FRMD4A: variants seen among roughly 807,000 people sequenced by gnomAD.
FRMD4A encodes FERM domain containing 4A.
FRMD4A carries 29 observed loss-of-function variants against 129.1 expected under a neutral mutation model. The observed-to-expected ratio is 0.22, with a 90% CI of 0.17 to 0.31. FRMD4A has a LOEUF of 0.31. Among genes scored for constraint, FRMD4A ranks in the 10% least tolerant of loss-of-function variants. FRMD4A has a pLI of 1.00. For missense variants in FRMD4A, 1,272 were observed against 1,375.8 expected (o/e 0.92, Z 1.19); for synonymous variants, 634 against 571.6 (o/e 1.11, Z -1.56).
chr10:13,669,487 T>C (rs562101184), intron 17 of FRMD4A, among the ~76,000 whole-genome samples: 4 of 152,314 alleles, frequency 2.6e-5, no homozygotes, highest in South Asian at 2.1e-4. Context: ...CATGGGTCCC[T>C]CTCTGAATTC....
intron 2 of FRMD4A, among the ~76,000 whole-genome samples, chr10:13,927,394 A>G (rs1029667298): frequency 6.6e-6 from 1 of 152,204 alleles, no homozygotes; most frequent in Non-Finnish European, 1.5e-5. Flanking sequence ...CTCTAAACTC[A>G]TGGCTGCCCA....
chr10:14,060,051 T>G (rs1834732955), intron 2 of FRMD4A, among the ~76,000 whole-genome samples: 1 of 152,232 alleles, frequency 6.6e-6, no homozygotes, highest in Admixed American at 6.5e-5. Flanking sequence ...AGTCTATACC[T>G]TTAACTACTC....
At chr10:14,285,922 A>C (rs1845666524) in intron 2 of FRMD4A, among the ~76,000 whole-genome samples, 2 of 152,236 alleles carry the variant, frequency 1.3e-5, no homozygotes, top group Admixed American at 6.5e-5. Context: ...GAGTTGGGAA[A>C]CACTCTTCTG....
Position 13,702,569 on chromosome 10 carries a change from C to T in FRMD4A, c.837-1091G>A, listed in dbSNP as rs1332868350. Among the ~76,000 whole-genome samples the T allele has an allele frequency of 4.8e-5, 7 of 145,586 alleles. No individual in the cohort carries two copies. In the East Asian group the frequency reaches 6.0e-4, roughly 13 times the overall value. On this transcript the variant is annotated intron_variant, in intron 13 of 24. Transcript: ENST00000357447. ...GTGTGTGTGTGTGTGTGTGTGTGTG[C>T]GCATGCATGTGAGACAAGTTGACAG...
intron 3 of FRMD4A, among the ~76,000 whole-genome samples, chr10:13,824,904 A>C (rs2093679079): frequency 6.6e-6 from 1 of 151,608 alleles, no homozygotes; most frequent in African/African-American, 2.4e-5. Flanking sequence ...CAAAAAAAAA[A>C]AAAAAAAAAA....
intron 19 of FRMD4A, among the ~76,000 whole-genome samples, chr10:13,663,200 A>G (rs2082768391): frequency 6.6e-6 from 1 of 152,092 alleles, no homozygotes; most frequent in South Asian, 2.1e-4. Context: ...AAAAAAAAAA[A>G]AAAAAGTTTT....
chr10:13,915,522 A>C (rs561158202), intron 2 of FRMD4A, among the ~76,000 whole-genome samples: 3 of 151,978 alleles, frequency 2.0e-5, no homozygotes, highest in Admixed American at 2.0e-4. Context: ...AATACAAAAA[A>C]TTAGCCGGGC....
intron 2 of FRMD4A, chr10:14,003,585 T>C (rs546952331): frequency 2.0e-5 from 3 of 152,310 alleles, no homozygotes; most frequent in East Asian, 1.9e-4. Flanking sequence ...TCTGTAAGTA[T>C]TTGCACGACT....
At chr10:13,860,156 C>T (rs2094274111) in intron 2 of FRMD4A, among the ~76,000 whole-genome samples, 1 of 152,208 alleles carries the variant, frequency 6.6e-6, no homozygotes, top group East Asian at 1.9e-4. Context: ...TCTTGCTGCA[C>T]TCTAAATACC....
intron 12 of FRMD4A, among the ~76,000 whole-genome samples, chr10:13,733,373 G>C (rs139972600): frequency 4.6e-5 from 7 of 152,122 alleles, no homozygotes; most frequent in African/African-American, 1.2e-4. Flanking sequence ...TTAGCGGGGT[G>C]GGGGGGTACC....
intron 3 of FRMD4A, among the ~76,000 whole-genome samples, chr10:13,858,142 C>T (rs2094239332): frequency 6.6e-6 from 1 of 152,130 alleles, no homozygotes; most frequent in African/African-American, 2.4e-5. Context: ...AAGAAAAGAA[C>T]AAACCTTTAG....
intron 2 of FRMD4A, among the ~76,000 whole-genome samples, chr10:14,288,521 G>T (rs1045453761): frequency 4.6e-5 from 7 of 152,130 alleles, no homozygotes; most frequent in Non-Finnish European, 7.3e-5. Flanking sequence ...GAAGAAGAGC[G>T]ATTTTGCAAG....
At chr10:13,838,014 G>A (rs2093902759) in intron 3 of FRMD4A, among the ~76,000 whole-genome samples, 2 of 152,148 alleles carry the variant, frequency 1.3e-5, no homozygotes, top group African/African-American at 4.8e-5. Flanking sequence ...GAAAAACAGG[G>A]CACACCTTTT....
chr10:13,852,934 C>T (rs1056070654), intron 3 of FRMD4A, among the ~76,000 whole-genome samples: 1 of 152,074 alleles, frequency 6.6e-6, no homozygotes, highest in Non-Finnish European at 1.5e-5. Flanking sequence ...TAAGACATGG[C>T]AATAATCTAA....
At chr10:13,855,416 G>C (rs771067114) in intron 3 of FRMD4A, among the ~76,000 whole-genome samples, 1 of 152,016 alleles carries the variant, frequency 6.6e-6, no homozygotes, top group Non-Finnish European at 1.5e-5. Context: ...TCCCCAATCT[G>C]CCCCATCTTA....
At chr10:13,723,997 G>A (rs1001914930) in intron 12 of FRMD4A, among the ~76,000 whole-genome samples, 2 of 152,204 alleles carry the variant, frequency 1.3e-5, no homozygotes, top group Admixed American at 6.5e-5. Flanking sequence ...ACTGGGTGAC[G>A]TTGTAATACC....
intron 2 of FRMD4A, among the ~76,000 whole-genome samples, chr10:14,134,570 G>A (rs1839436362): frequency 6.6e-6 from 1 of 151,876 alleles, no homozygotes; most frequent in Non-Finnish European, 1.5e-5. Context: ...GTGGATGGAT[G>A]GGTAGGTGGG....
chr10:13,909,828 G>T (rs1300355642), intron 2 of FRMD4A, among the ~76,000 whole-genome samples: 1 of 152,214 alleles, frequency 6.6e-6, no homozygotes, highest in Admixed American at 6.5e-5. Context: ...TTTAAGATCT[G>T]CTTCAGAATT....
intron 2 of FRMD4A, among the ~76,000 whole-genome samples, chr10:14,152,040 C>T (rs1022629460): frequency 1.9e-4 from 28 of 146,046 alleles, no homozygotes; most frequent in African/African-American, 6.6e-4. Context: ...GTAATGGGTT[C>T]GTGTCAGTCT....
Sources: allele counts gnomAD v4.1 joint callset (sites outside exome capture counted in the v4.1 genomes callset), GRCh38; gene constraint gnomAD v4.1.1; transcripts MANE v1.5; gene names NCBI Gene and HGNC (gene_info 2026-07-23, HGNC 2026-07-21).